C19orf81: variants seen among roughly 807,000 people sequenced by gnomAD.
C19orf81 encodes putative uncharacterized protein C19orf81.
Under a neutral mutation model 22.1 loss-of-function variants are expected in C19orf81, and 19 were observed. That is an observed-to-expected ratio of 0.86 (90% CI 0.60 to 1.26). The LOEUF is 1.26. Among genes scored for constraint, C19orf81 ranks in the 50% most tolerant of loss-of-function variants. The pLI, the probability that C19orf81 is intolerant of heterozygous loss-of-function variation, is 0.00. For synonymous variants in C19orf81, 108 were observed against 113.1 expected, an observed-to-expected ratio of 0.95 and a Z score of 0.29; for missense variants, 287 against 280.7, an observed-to-expected ratio of 1.02 and a Z score of -0.16.
At chr19:50,649,753 G>A (rs1325264805) in intron 1 of C19orf81, 1 of 628,854 alleles carries the variant, frequency 1.6e-6, no homozygotes, top group Non-Finnish European at 3.0e-6. Flanking sequence ...TTTCCCATGA[G>A]CCTCTGGGGC....
At chr19:50,653,682 G>GCACACACACACACACA (rs57915687) in intron 1 of C19orf81, among the ~76,000 whole-genome samples, 1 of 121,844 alleles carries the variant, frequency 8.2e-6, no homozygotes, top group Non-Finnish European at 1.7e-5. Context: ...ATGAGAGACA[G>GCACACACACACACACA]CACACACACA....
At chr19:50,650,745 C>T (rs943100212) in intron 1 of C19orf81, among the ~76,000 whole-genome samples, 1 of 152,258 alleles carries the variant, frequency 6.6e-6, no homozygotes, top group African/African-American at 2.4e-5. Context: ...GCTCCTGGCT[C>T]AAGTGATCCT....
chr19:50,652,861 T>C (rs1415742769), intron 1 of C19orf81, among the ~76,000 whole-genome samples: 2 of 151,998 alleles, frequency 1.3e-5, no homozygotes, highest in South Asian at 2.1e-4. Context: ...CCTGGGGAGA[T>C]TGAGAACACG....
At chr19:50,654,482 G>A (rs1984948456) in intron 1 of C19orf81, among the ~76,000 whole-genome samples, 1 of 150,542 alleles carries the variant, frequency 6.6e-6, no homozygotes, top group African/African-American at 2.4e-5. Flanking sequence ...TGTATTTTTA[G>A]TAGATGGGGT....
At chr19:50,656,453 A>C in intron 3 of C19orf81, 107 bp downstream of exon 3, 1 of 1,398,706 alleles carries the variant, frequency 7.1e-7, no homozygotes, top group Non-Finnish European at 9.4e-7. Context: ...CTTTTGGCTT[A>C]TAAGCTGTGG....
At chr19:50,658,567 T>C in intron 4 of C19orf81, 1 of 242,100 alleles carries the variant, frequency 4.1e-6, no homozygotes, top group Non-Finnish European at 7.9e-6. Context: ...GGTCTGAGCC[T>C]GGAAAGGCAG....
intron 4 of C19orf81, chr19:50,658,437 T>C: frequency 3.3e-6 from 1 of 307,546 alleles, no homozygotes; most frequent in Non-Finnish European, 6.0e-6. Flanking sequence ...GCAGAGCCAC[T>C]GAGGGGCGGG....
chr19:50,651,157 G>A (rs1449403989), intron 1 of C19orf81, among the ~76,000 whole-genome samples: 1 of 152,186 alleles, frequency 6.6e-6, no homozygotes, highest in Non-Finnish European at 1.5e-5. Flanking sequence ...TGCTGGGAGA[G>A]GAGACGTGAA....
At chr19:50,653,259 G>A (rs1158932746) in intron 1 of C19orf81, among the ~76,000 whole-genome samples, 3 of 152,080 alleles carry the variant, frequency 2.0e-5, no homozygotes, top group African/African-American at 4.8e-5. Flanking sequence ...GGCTGGTCTC[G>A]AACTCCTGAG....
chr19:50,659,217 AG>A lies in C19orf81; in HGVS notation c.*80del. 1 of 1,215,950 alleles carries A rather than the reference AG, an allele frequency of 8.2e-7. No homozygotes were observed. The highest frequency in any genetic ancestry group is 1.0e-6 in the Non-Finnish European group (1 of 963,362). The allele number at this position is 1,215,950 out of a possible 1,614,324, so 75.3% of individuals were successfully genotyped here. A position where few individuals can be genotyped will look rare whatever the true frequency, so the allele number is the denominator to read the frequency against. Reference sequence around the variant, plus strand: ...CCACCCACCCGGAGCCCCGGAGGACAGGGGGCGTTGCCTTCCCAGGAAGGAG... The same window carrying A: ...CCACCCACCCGGAGCCCCGGAGGACAGGGGCGTTGCCTTCCCAGGAAGGAG... On this transcript the variant is annotated 3_prime_UTR_variant, in exon 5 of 5. Transcript: ENST00000425202.
At chr19:50,653,426 G>A (rs554995964) in intron 1 of C19orf81, among the ~76,000 whole-genome samples, 7 of 152,068 alleles carry the variant, frequency 4.6e-5, no homozygotes, top group African/African-American at 7.2e-5. Flanking sequence ...ACTTGAGGAG[G>A]GGATGGCTGT....
chr19:50,654,535 G>A (rs111342763), intron 1 of C19orf81, among the ~76,000 whole-genome samples: 7,191 of 151,886 alleles, frequency 0.047, 327 homozygotes, highest in African/African-American at 0.12. Flanking sequence ...CTGACCTCGT[G>A]ATCTGCCCGC....
intron 4 of C19orf81, chr19:50,658,410 A>G (rs1261888572): frequency 2.5e-6 from 1 of 393,170 alleles, no homozygotes; most frequent in African/African-American, 2.1e-5. Context: ...GAGGGACTAG[A>G]TAAGAGCGAG....
intron 1 of C19orf81, among the ~76,000 whole-genome samples, chr19:50,650,879 T>C (rs1179375201): frequency 2.6e-5 from 4 of 152,214 alleles, no homozygotes; most frequent in Non-Finnish European, 4.4e-5. Context: ...CAATGCACCA[T>C]CTCTAGCCTA....
chr19:50,658,278 G>T, intron 4 of C19orf81, 150 bp downstream of exon 4: 1 of 886,390 alleles, frequency 1.1e-6, no homozygotes, highest in Non-Finnish European at 1.7e-6. Flanking sequence ...CTAGATAAGA[G>T]CGTGGTTGGT....
intron 4 of C19orf81, 67 bp from the exon 5 acceptor site, chr19:50,658,880 C>A: frequency 7.5e-7 from 1 of 1,333,212 alleles, no homozygotes; most frequent in South Asian, 1.6e-5. Flanking sequence ...GGCAGGGACT[C>A]TTCGACGATC....
At chr19:50,653,737 C>T (rs929509265) in intron 1 of C19orf81, among the ~76,000 whole-genome samples, 2 of 132,248 alleles carry the variant, frequency 1.5e-5, no homozygotes, top group South Asian at 2.5e-4. Context: ...CACACACACA[C>T]ACACGTTGTC....
At chr19:50,654,804 T>C (rs187348425) in intron 1 of C19orf81, among the ~76,000 whole-genome samples, 1 of 136,060 alleles carries the variant, frequency 7.3e-6, no homozygotes, top group Non-Finnish European at 1.6e-5. Flanking sequence ...TAATTAAAAA[T>C]TTTTTTTTGT....
chr19:50,650,435 C>G (rs1055880715), intron 1 of C19orf81, among the ~76,000 whole-genome samples: 2 of 152,182 alleles, frequency 1.3e-5, no homozygotes, highest in Non-Finnish European at 2.9e-5. Context: ...CTTTGGAGGC[C>G]GAGGTGAGTG....
Sources: allele counts gnomAD v4.1 joint callset (sites outside exome capture counted in the v4.1 genomes callset), GRCh38; gene constraint gnomAD v4.1.1; transcripts MANE v1.5; gene names NCBI Gene and HGNC (gene_info 2026-07-23, HGNC 2026-07-21).